The following FAM53A variants were observed in gnomAD, a reference collection of about 807,000 sequenced individuals.
FAM53A encodes the protein family with sequence similarity 53 member A, also known as protein FAM53A.
FAM53A carries 28 observed loss-of-function variants against 26.6 expected under a neutral mutation model. That is an observed-to-expected ratio of 1.05 (90% CI 0.78 to 1.45). The LOEUF (loss-of-function observed/expected upper bound fraction) is 1.45, where lower values mean the gene tolerates loss of function less well. FAM53A is among the 40% of genes most tolerant of loss of function. The probability of loss-of-function intolerance (pLI) is 0.00; values close to 1 mark genes in which losing one functional copy is unlikely to be tolerated. For synonymous variants in FAM53A, 290 were observed against 253.1 expected (o/e 1.15, Z -1.38); for missense variants, 650 against 575.8 (o/e 1.13, Z -1.32).
intron 1 of FAM53A, among the ~76,000 whole-genome samples, chr4:1,629,611 C>T (rs1345956700): frequency 6.6e-6 from 1 of 152,330 alleles, no homozygotes; most frequent in South Asian, 2.1e-4. Context: ...CAGACAGGAG[C>T]TGCCCAGGGC....
chr4:1,650,549 T>C (rs577385239), intron 4 of FAM53A, among the ~76,000 whole-genome samples: 1 of 152,144 alleles, frequency 6.6e-6, no homozygotes, highest in African/African-American at 2.4e-5. Flanking sequence ...CAGGCTGGAG[T>C]GCAGTGGCGT....
intron 1 of FAM53A, among the ~76,000 whole-genome samples, chr4:1,633,551 G>A (rs1445112772): frequency 1.3e-5 from 2 of 152,122 alleles, no homozygotes; most frequent in Non-Finnish European, 2.9e-5. Flanking sequence ...GCAGATTCAC[G>A]GGAGGCAGGA....
intron 4 of FAM53A, among the ~76,000 whole-genome samples, chr4:1,647,571 G>A (rs2108844750): frequency 6.6e-6 from 1 of 152,322 alleles, no homozygotes; most frequent in East Asian, 1.9e-4. Flanking sequence ...GCCCTGCAGG[G>A]TGAACACAGT....
chr4:1,630,831 C>T lies in FAM53A; in HGVS notation c.432-12720G>A, dbSNP rs1198652113. Among the ~76,000 whole-genome samples the T allele has an allele frequency of 2.0e-5, 3 of 152,182 alleles. No homozygotes were observed. The highest frequency in any genetic ancestry group is 2.4e-5 in the African/African-American group (1 of 41,438). On this transcript the variant is annotated intron_variant, in intron 1 of 1. Coordinates refer to the FAM53A transcript ENST00000489029. This position sits in a 1 kb window ranked among gnomAD's most constrained non-coding sequence, Gnocchi z 4.3. ...AAAATGGTTTGGAACCAGAGAGAGG[C>T]GGTGTCTGCACCATCTCACGAATGT...
intron 1 of FAM53A, among the ~76,000 whole-genome samples, chr4:1,618,967 A>G (rs1264960179): frequency 6.6e-6 from 1 of 152,108 alleles, no homozygotes; most frequent in Non-Finnish European, 1.5e-5. Context: ...CCTGCACCCA[A>G]CCCAGCAACG....
In FAM53A at chr4:1,641,437, G is replaced by A. The variant is rs1711708513; in HGVS notation, c.1053C>T (p.Asn351=). 1 of 1,613,552 alleles carries A rather than the reference G, an allele frequency of 6.2e-7. No homozygotes were observed. Among genetic ancestry groups the A allele is most frequent in the Admixed American group, 1.7e-5 (1 of 59,832 alleles). ...TCACCGACTCCCTAGAGGCCCACAGGTTGGGGTGGACAGGGCTGGTCCTGA... is the reference window on the plus strand; with the variant it reads ...TCACCGACTCCCTAGAGGCCCACAGATTGGGGTGGACAGGGCTGGTCCTGA... ...RGLRTSPVHP[N]LWASRESVTS... is the part of the protein sequence containing the mutation. The change falls in exon 5 of 5, where the codon AAC becomes AAT. Residue 351 remains asparagine, a synonymous_variant. Transcript: ENST00000308132.
intron 2 of FAM53A, among the ~76,000 whole-genome samples, chr4:1,658,378 G>C (rs1342153496): frequency 1.3e-5 from 2 of 152,206 alleles, no homozygotes; most frequent in Non-Finnish European, 2.9e-5. Context: ...TGAAGCTCAG[G>C]CCCTCCTGCC....
At position 1,653,132 on chromosome 4, in the gene FAM53A, A is replaced by G. The variant is rs377644646; in HGVS notation, c.882+1846T>C. On this transcript the variant is annotated intron_variant, in intron 4 of 4. Transcript: ENST00000308132. ...ACACTACACACACCACACAGCACATAGCACGTGTGCCACACACACACCACA... is the reference window on the plus strand; with the variant it reads ...ACACTACACACACCACACAGCACATGGCACGTGTGCCACACACACACCACA... 1.5e-4 allele frequency among the ~76,000 whole-genome samples: 23 copies of G among 151,804 alleles called. No individual in the cohort carries two copies. The East Asian group carries it at 4.5e-3, about 29-fold the overall frequency.
intron 3 of FAM53A, among the ~76,000 whole-genome samples, chr4:1,656,583 G>A (rs978066893): frequency 1.3e-5 from 2 of 152,266 alleles, no homozygotes; most frequent in South Asian, 2.1e-4. Context: ...GCGGGGCTCT[G>A]AGCCAGGATG....
the FAM53A span, among the ~76,000 whole-genome samples, chr4:1,592,598 C>T: frequency 1.3e-5 from 2 of 152,186 alleles, no homozygotes; most frequent in African/African-American, 4.8e-5. Flanking sequence ...CACCCCCTGC[C>T]CAGCCCCTCT....
chr4:1,676,040 G>A (rs556438254), intron 1 of FAM53A, among the ~76,000 whole-genome samples: 4 of 152,376 alleles, frequency 2.6e-5, no homozygotes, highest in South Asian at 2.1e-4. Context: ...AAGCAGGTTC[G>A]ATTTTTCTGT....
chr4:1,667,077 G>A (rs180718934), intron 2 of FAM53A, among the ~76,000 whole-genome samples: 91 of 150,848 alleles, frequency 6.0e-4, no homozygotes, highest in African/African-American at 1.2e-3. Flanking sequence ...GCAGTGAGCC[G>A]AGATTGTGCC....
At chr4:1,579,035 G>A in the FAM53A span, among the ~76,000 whole-genome samples, 233 of 149,704 alleles carry the variant, frequency 1.6e-3, 1 homozygote, top group Middle Eastern at 7.1e-3. Context: ...GAGCCGGGGC[G>A]CTCCCCCCAT....
the FAM53A span, among the ~76,000 whole-genome samples, chr4:1,593,604 T>C: frequency 6.6e-6 from 1 of 152,142 alleles, no homozygotes; most frequent in Non-Finnish European, 1.5e-5. Flanking sequence ...TGGACGCTCG[T>C]CTGGACCAGC....
At chr4:1,622,763 C>G (rs149325680) in intron 1 of FAM53A, among the ~76,000 whole-genome samples, 1 of 152,290 alleles carries the variant, frequency 6.6e-6, no homozygotes, top group Non-Finnish European at 1.5e-5. Context: ...CTGCCTCCCT[C>G]AGACTCAGGC....
chr4:1,673,382 C>T (rs1446314060), intron 1 of FAM53A, among the ~76,000 whole-genome samples: 1 of 152,168 alleles, frequency 6.6e-6, no homozygotes, highest in African/African-American at 2.4e-5. Context: ...TGCACGCCCT[C>T]GACAGAGAAA....
At chr4:1,667,700 A>T (rs1269477081) in intron 2 of FAM53A, among the ~76,000 whole-genome samples, 1 of 151,894 alleles carries the variant, frequency 6.6e-6, no homozygotes, top group East Asian at 1.9e-4. Context: ...TCACCCTCTC[A>T]TTTCCGTAAC....
downstream of FAM53A, among the ~76,000 whole-genome samples, chr4:1,615,672 C>T (rs1449594675): frequency 1.3e-5 from 2 of 152,244 alleles, no homozygotes; most frequent in African/African-American, 2.4e-5. Flanking sequence ...CCCACCTGGG[C>T]GCACACAGGG....
the FAM53A span, among the ~76,000 whole-genome samples, chr4:1,578,375 G>T: frequency 6.6e-6 from 1 of 152,138 alleles, no homozygotes; most frequent in East Asian, 1.9e-4. Context: ...GGCGTGCCAG[G>T]CAGGAGGGGC....
Sources: allele counts gnomAD v4.1 joint callset (sites outside exome capture counted in the v4.1 genomes callset), GRCh38; gene constraint gnomAD v4.1.1; non-coding constraint Gnocchi (gnomAD v3.1); transcripts MANE v1.5; gene names NCBI Gene and HGNC (gene_info 2026-07-23, HGNC 2026-07-21).